The following THEM4 variants were observed in gnomAD, a reference collection of about 807,000 sequenced individuals.
THEM4 encodes the protein acyl-coenzyme A thioesterase THEM4.
THEM4 carries 22 observed loss-of-function variants against 25.0 expected under a neutral mutation model. The ratio of observed to expected loss-of-function variants is 0.88; its 90% CI spans 0.63 to 1.26. The LOEUF is 1.26. THEM4 is among the 50% of genes most tolerant of loss of function. The pLI is 0.00. For missense variants in THEM4, 286 were observed against 300.3 expected (o/e 0.95, Z 0.35); for synonymous variants, 113 against 105.6 (o/e 1.07, Z -0.43).
intron 4 of THEM4, among the ~76,000 whole-genome samples, chr1:151,887,399 C>T (rs1260293202): frequency 2.0e-5 from 3 of 151,868 alleles, no homozygotes; most frequent in Admixed American, 2.0e-4. Flanking sequence ...CACCACACTC[C>T]AGCCTGAGCA....
chr1:151,891,199 T>A (rs1173890703), intron 2 of THEM4: 2 of 152,240 alleles, frequency 1.3e-5, no homozygotes, highest in African/African-American at 2.4e-5. Context: ...TGCTTCATAT[T>A]CATTTTTAAG....
chr1:151,887,473 C>A (rs1310513798), intron 4 of THEM4, among the ~76,000 whole-genome samples: 2 of 150,626 alleles, frequency 1.3e-5, no homozygotes, highest in African/African-American at 4.9e-5. Context: ...ATAAAAAAAT[C>A]AAAAAGAATA....
intron 5 of THEM4, 86 bp from the exon 6 acceptor site, chr1:151,875,014 A>ATCTTTGT (rs1653643633): frequency 9.2e-7 from 1 of 1,086,262 alleles, no homozygotes; most frequent in Non-Finnish European, 1.4e-6. Context: ...CATATACAAA[A>ATCTTTGT]GAAGGATTTG....
At chr1:151,908,721 G>A (rs1158467510) in intron 1 of THEM4, among the ~76,000 whole-genome samples, 1 of 152,042 alleles carries the variant, frequency 6.6e-6, no homozygotes, top group Non-Finnish European at 1.5e-5. Flanking sequence ...CTTTGCGGTC[G>A]ACTGAGTTAT....
rs564459123 is a variant in THEM4, at chr1:151,887,637, TTTG to T, written c.557+633_557+635del. On this transcript the variant is annotated intron_variant, in intron 4 of 5. Transcript: ENST00000368814. ...GGTGTTTTGTGTGTGTGTGTGTGTT[TTTG>T]TTGTTGTTGTTTTTTTTACAGTTGG... is the stretch of plus-strand genomic sequence containing the variant. Among the ~76,000 whole-genome samples, 422 of 151,878 alleles carry T rather than the reference TTTG, an allele frequency of 2.8e-3. 1 individual carries two copies. Among genetic ancestry groups the T allele is most frequent in the African/African-American group, 9.7e-3 (400 of 41,434 alleles).
intron 2 of THEM4, chr1:151,890,412 G>T (rs575154059): frequency 2.9e-5 from 6 of 209,868 alleles, no homozygotes; most frequent in Admixed American, 1.6e-4. Flanking sequence ...TTATCCTTTT[G>T]TATCTATTTT....
chr1:151,894,775 T>C, intron 2 of THEM4: 1 of 612,180 alleles, frequency 1.6e-6, no homozygotes, highest in South Asian at 2.1e-5. Flanking sequence ...TCTTCACTCT[T>C]GCTAATGGTG....
chr1:151,884,202 TA>T (rs1386841575), intron 4 of THEM4, among the ~76,000 whole-genome samples: 2 of 151,734 alleles, frequency 1.3e-5, no homozygotes, highest in Non-Finnish European at 1.5e-5. Flanking sequence ...AGCTTCTGAT[TA>T]AAAAAAATAC....
rs1653552284 is a variant in THEM4 at position 151,871,392 on chromosome 1, G to T, written c.*3496C>A. ...AGAAGGAAACAGGAAATGAGGAATA[G>T]TTCCATTAGGTCACACAGCAAGCCA... On this transcript the variant is annotated 3_prime_UTR_variant, in exon 6 of 6. Coordinates refer to ENST00000368814, the MANE Select transcript of THEM4 (RefSeq NM_053055.5). Among the ~76,000 whole-genome samples the T allele has an allele frequency of 6.6e-6, 1 of 151,776 alleles. No individual in the cohort carries two copies. The highest frequency in any genetic ancestry group is 1.5e-5 in the Non-Finnish European group (1 of 67,954).
chr1:151,901,649 CCTGA>C (rs1430305891), intron 1 of THEM4, among the ~76,000 whole-genome samples: 2 of 152,042 alleles, frequency 1.3e-5, no homozygotes, highest in African/African-American at 2.4e-5. Context: ...TCGAGATCAG[CCTGA>C]CTAACACGGC....
At chr1:151,894,283 A>G (rs1174232194) in intron 2 of THEM4, among the ~76,000 whole-genome samples, 1 of 152,246 alleles carries the variant, frequency 6.6e-6, no homozygotes, top group Non-Finnish European at 1.5e-5. Context: ...TACTATAATG[A>G]TGGATATCTG....
intron 1 of THEM4, among the ~76,000 whole-genome samples, chr1:151,901,006 A>G (rs947919026): frequency 3.9e-5 from 6 of 152,278 alleles, no homozygotes; most frequent in African/African-American, 1.4e-4. Context: ...GCTGCAGATA[A>G]CTAGCCAGAG....
chr1:151,877,111 C>G lies in THEM4; in HGVS notation c.572G>C (p.Cys191Ser), dbSNP rs769715324. The G allele has an allele frequency of 2.4e-5, 38 of 1,610,684 alleles. No individual in the cohort carries two copies. Among genetic ancestry groups the G allele is most frequent in the Non-Finnish European group, 3.2e-5 (38 of 1,179,050 alleles). Residue 191 changes from cysteine (C) to serine (S), a missense_variant, in exon 5 of 6, where the codon TGT (cysteine) becomes TCT (serine). By Grantham distance (112) the Cys-to-Ser change is moderately radical. Transcript: ENST00000368814. The stretch of plus-strand genomic sequence containing the variant: ...TTGGCTATTTATCATAACAACAGAA[C>G]AAAGAGGGATAGGTCTGCAGAATAA... ...NINYKRPIPL[C>S]SVVMINSQLD... is the part of the protein sequence containing the mutation.
At chr1:151,893,918 GGC>G (rs1256509675) in intron 2 of THEM4, among the ~76,000 whole-genome samples, 1 of 151,800 alleles carries the variant, frequency 6.6e-6, no homozygotes, top group Non-Finnish European at 1.5e-5. Context: ...GGAGTGCAGT[GGC>G]GCGATCTCAG....
chr1:151,895,251 C>T (rs1198491268), intron 1 of THEM4, 57 bp from the exon 2 acceptor site: 4 of 1,356,752 alleles, frequency 2.9e-6, no homozygotes, highest in African/African-American at 1.5e-5. Flanking sequence ...TATTTCATAA[C>T]ATATTCTCCC....
At position 151,895,175 on chromosome 1, in the gene THEM4, T is replaced by C. The variant is rs201767984; in HGVS notation, c.119A>G (p.Glu40Gly). The change falls in exon 2 of 6, where the codon GAA (glutamate) becomes GGA (glycine). Residue 40 changes from glutamate to glycine, a missense_variant. By Grantham distance (98) the Glu-to-Gly change is moderately conservative. Transcript: ENST00000368814. ...RPELRSFSSE[E>G]VILKDCSVPN... The stretch of plus-strand genomic sequence containing the variant: ...GACAGAACAGTCCTTAAGAATGACT[T>C]CCTCAGAAGAAAATGACCTCTAAAA... The C allele has an allele frequency of 4.0e-5, 64 of 1,610,118 alleles. No individual in the cohort carries two copies. The highest frequency in any genetic ancestry group is 4.2e-6 in the Non-Finnish European group (5 of 1,179,152).
intron 4 of THEM4, among the ~76,000 whole-genome samples, chr1:151,877,333 G>C (rs377515451): frequency 1.3e-5 from 2 of 152,074 alleles, no homozygotes; most frequent in African/African-American, 4.8e-5. Context: ...CTCTCAGGTG[G>C]CTCCTGGGCT....
chr1:151,906,479 C>T (rs953602490), intron 1 of THEM4, among the ~76,000 whole-genome samples: 8 of 152,242 alleles, frequency 5.3e-5, no homozygotes, highest in South Asian at 2.1e-4. Flanking sequence ...CCCTGCTCCA[C>T]GGCGCCCAGT....
intron 2 of THEM4, chr1:151,891,113 T>C (rs537295843): frequency 1.3e-5 from 2 of 152,294 alleles, no homozygotes; most frequent in Admixed American, 1.3e-4. Flanking sequence ...TGAAAGAAGT[T>C]TGTTGGAAAT....
Sources: gnomAD v4.1 joint callset for allele counts (sites outside exome capture counted in the v4.1 genomes callset) on GRCh38, gnomAD v4.1.1 for gene constraint, MANE v1.5 for transcripts, NCBI Gene and HGNC (gene_info 2026-07-23, HGNC 2026-07-21) for gene names.